Variants in MTR observed in about 807,000 individuals in gnomAD.
MTR encodes 5-methyltetrahydrofolate-homocysteine methyltransferase.
Under a neutral mutation model 154.8 loss-of-function variants are expected in MTR, and 84 were observed. The observed-to-expected ratio is 0.54, with a 90% CI of 0.45 to 0.65. The LOEUF is 0.65. MTR is among the 30% of genes least tolerant of loss of function. The probability of loss-of-function intolerance (pLI) is 0.00; values close to 1 mark genes in which losing one functional copy is unlikely to be tolerated. For synonymous variants in MTR, 554 were observed against 553.9 expected, an observed-to-expected ratio of 1.00 and a Z score of 0.00; for missense variants, 1,275 against 1,570.2, an observed-to-expected ratio of 0.81 and a Z score of 3.18.
intron 1 of MTR, among the ~76,000 whole-genome samples, chr1:236,802,116 A>G (rs540929231): frequency 2.0e-5 from 3 of 152,206 alleles, no homozygotes; most frequent in Admixed American, 1.3e-4. Context: ...GGCCAAATCT[A>G]TAAGGCTTGG....
intron 1 of MTR, among the ~76,000 whole-genome samples, chr1:236,802,601 G>T (rs1660756249): frequency 6.6e-6 from 1 of 152,062 alleles, no homozygotes. Context: ...TGAGTTTGAG[G>T]AGCCTCCAAC....
At chr1:236,871,739 G>A (rs998555449) in intron 22 of MTR, among the ~76,000 whole-genome samples, 3 of 152,004 alleles carry the variant, frequency 2.0e-5, no homozygotes, top group Non-Finnish European at 4.4e-5. Flanking sequence ...CACCTCCAGC[G>A]TGCATTTGCT....
rs761657622 is a variant in MTR at position 236,895,442 on chromosome 1, C to T, written c.3490C>T (p.Arg1164Cys). Residue 1164 changes from arginine to cysteine, a missense_variant, in exon 31 of 33, where the codon CGC (arginine) becomes TGC (cysteine). By Grantham distance (180) the Arg-to-Cys change is radical. Transcript: ENST00000366577. ...TGAGCAGCTGGACGTCGCAGACCTG[C>T]GCAGGCTGCGGTACAAGGGCATCCG... ...GSEQLDVADL[R>C]RLRYKGIRPA... 2.1e-5 allele frequency: 34 copies of T among 1,602,498 alleles called. No individual in the cohort carries two copies. The highest frequency in any genetic ancestry group is 1.8e-4 in the South Asian group (16 of 88,852).
intron 15 of MTR, among the ~76,000 whole-genome samples, chr1:236,843,330 C>CAAACCAA (rs1558304312): frequency 2.0e-5 from 3 of 151,538 alleles, no homozygotes; most frequent in Non-Finnish European, 4.4e-5. Flanking sequence ...AGATGCTTGT[C>CAAACCAA]CTGTTTGAAA....
chr1:236,803,590 A>G lies in MTR; in HGVS notation c.197A>G (p.Asn66Ser), dbSNP rs1208006921. ...GATCATGCCAGGCCGCTGAAAGGCA[A>G]CAATGACATTTTAAGTATAACTCAG... ...FKDHARPLKG[N>S]NDILSITQPD... The change falls in exon 2 of 33, where the codon AAC becomes AGC. Residue 66 changes from asparagine to serine, a missense_variant. By Grantham distance (46) the Asn-to-Ser change is conservative. Transcript: ENST00000366577. 1 of 1,614,210 alleles carries G rather than the reference A, an allele frequency of 6.2e-7. No individual in the cohort carries two copies. The highest frequency in any genetic ancestry group is 1.7e-5 in the Admixed American group (1 of 60,012).
chr1:236,831,892 T>A, intron 12 of MTR, 74 bp from the exon 13 acceptor site: 1 of 1,056,310 alleles, frequency 9.5e-7, no homozygotes, highest in South Asian at 1.3e-5. Flanking sequence ...TCTTATTGAA[T>A]ACATTTGTGT....
intron 18 of MTR, among the ~76,000 whole-genome samples, chr1:236,853,834 A>G (rs922168397): frequency 3.3e-5 from 5 of 152,168 alleles, no homozygotes; most frequent in African/African-American, 1.2e-4. Context: ...AGCTAATTCA[A>G]ACACCAGCTT....
At chr1:236,881,437 A>G (rs1185905038) in intron 25 of MTR, among the ~76,000 whole-genome samples, 2 of 152,068 alleles carry the variant, frequency 1.3e-5, no homozygotes, top group Non-Finnish European at 2.9e-5. Context: ...AGTGTGGTCC[A>G]GGGGTTTCCA....
chr1:236,839,933 A>G (rs1186666222), intron 15 of MTR, among the ~76,000 whole-genome samples: 1 of 152,212 alleles, frequency 6.6e-6, no homozygotes, highest in Non-Finnish European at 1.5e-5. Flanking sequence ...TCCCAACTTA[A>G]TATAAAAGTA....
chr1:236,872,008 T>G (rs1665162254), intron 22 of MTR, among the ~76,000 whole-genome samples: 1 of 152,154 alleles, frequency 6.6e-6, no homozygotes, highest in Admixed American at 6.6e-5. Context: ...TTCTTGTTAT[T>G]TAAACGTTTT....
intron 11 of MTR, among the ~76,000 whole-genome samples, chr1:236,827,477 CT>C (rs371755216): frequency 1.8e-3 from 275 of 152,320 alleles, no homozygotes; most frequent in African/African-American, 5.6e-3. Context: ...ACTTTTCCCC[CT>C]GGATTATGTA....
intron 32 of MTR, 132 bp from the exon 33 acceptor site, chr1:236,897,426 C>A: frequency 1.1e-6 from 1 of 898,802 alleles, no homozygotes; most frequent in Non-Finnish European, 1.8e-6. Flanking sequence ...TATCTATCTC[C>A]ATTTAACTCT....
rs775160249 is a variant in MTR, at chr1:236,795,727, G to T, written c.24G>T (p.Leu8=). The T allele has an allele frequency of 1.9e-6, 3 of 1,614,178 alleles. No homozygotes were observed. In the Admixed American group the frequency reaches 5.0e-5, roughly 27 times the overall value. ...ACATGTCACCCGCGCTCCAAGACCT[G>T]TCGCAACCCGGTAACGCTGCGACCC... MSPALQD[L]SQPEGLKKTL... is the part of the protein sequence containing the mutation. The change falls in exon 1 of 33, where the codon CTG becomes CTT. Residue 8 remains leucine (L), a synonymous_variant. Transcript: ENST00000366577.
chr1:236,818,082 C>T (rs1186521737), intron 8 of MTR, among the ~76,000 whole-genome samples: 1 of 152,138 alleles, frequency 6.6e-6, no homozygotes, highest in East Asian at 1.9e-4. Flanking sequence ...GCATTCCTCC[C>T]TTCGCTTTCT....
Position 236,897,069 on chromosome 1 carries a change from C to T in MTR, c.3662C>T (p.Ser1221Phe), listed in dbSNP as rs938346817. 6.2e-7 allele frequency: 1 copy of T among 1,614,138 alleles called. No homozygotes were observed. The highest frequency in any genetic ancestry group is 1.7e-5 in the Admixed American group (1 of 60,030). ...PASAVSGLYF[S>F]NLKSKYFAVG... is the part of the protein sequence containing the mutation. ...TCAGCAGTCTCAGGCCTCTACTTCT[C>T]CAATTTGAAGTCCAAATATTTTGCT... The change falls in exon 32 of 33, where the codon TCC becomes TTC. Residue 1221 changes from serine (S) to phenylalanine (F), a missense_variant. Transcript: ENST00000366577.
intron 30 of MTR, chr1:236,895,128 A>G: frequency 1.7e-6 from 1 of 587,418 alleles, no homozygotes; most frequent in Non-Finnish European, 3.1e-6. Context: ...TAGGTCATTA[A>G]GTATGGTCCT....
At chr1:236,862,853 G>A (rs1218475523) in intron 21 of MTR, among the ~76,000 whole-genome samples, 2 of 152,230 alleles carry the variant, frequency 1.3e-5, no homozygotes, top group Non-Finnish European at 2.9e-5. Context: ...TTAGCTCCCT[G>A]TGAAGCTCAG....
intron 3 of MTR, among the ~76,000 whole-genome samples, chr1:236,808,377 T>G (rs959085579): frequency 2.0e-5 from 3 of 152,116 alleles, no homozygotes; most frequent in Admixed American, 6.6e-5. Context: ...CTCTTTCCAT[T>G]GCTTTATTTT....
chr1:236,850,319 C>G, intron 15 of MTR, 25 bp from the exon 16 acceptor site: 1 of 1,582,010 alleles, frequency 6.3e-7, no homozygotes, highest in South Asian at 1.2e-5. Flanking sequence ...CTATTTCAAA[C>G]TACATCTTTT....
Sources: allele counts gnomAD v4.1 joint callset (sites outside exome capture counted in the v4.1 genomes callset), GRCh38; gene constraint gnomAD v4.1.1; transcripts MANE v1.5; gene names NCBI Gene and HGNC (gene_info 2026-07-23, HGNC 2026-07-21).